Variants in IGFBPL1 observed in about 807,000 individuals in gnomAD.
IGFBPL1 encodes the protein insulin like growth factor binding protein like 1, also known as insulin-like growth factor-binding protein-like 1.
Under a neutral mutation model 23.9 loss-of-function variants are expected in IGFBPL1, and 20 were observed. That is an observed-to-expected ratio of 0.84 (90% CI 0.59 to 1.22). The LOEUF (loss-of-function observed/expected upper bound fraction) is 1.22. Among genes scored for constraint, IGFBPL1 ranks in the 50% most tolerant of loss-of-function variants. The pLI, the probability that IGFBPL1 is intolerant of heterozygous loss-of-function variation, is 0.00. For synonymous variants in IGFBPL1, 184 were observed against 171.8 expected (o/e 1.07, Z -0.56); for missense variants, 436 against 379.3 (o/e 1.15, Z -1.24).
At chr9:38,410,883 C>A (rs1404202053) in intron 4 of IGFBPL1, among the ~76,000 whole-genome samples, 2 of 152,138 alleles carry the variant, frequency 1.3e-5, no homozygotes, top group African/African-American at 4.8e-5. Context: ...TCTCTCTGCC[C>A]CTACCCACAA....
chr9:38,421,979 G>T (rs572548095), intron 1 of IGFBPL1, among the ~76,000 whole-genome samples: 2 of 152,352 alleles, frequency 1.3e-5, no homozygotes, highest in African/African-American at 4.8e-5. Context: ...TATTCCCTGG[G>T]TCTGTGCCTG....
intron 1 of IGFBPL1, among the ~76,000 whole-genome samples, chr9:38,422,278 G>C (rs1407515908): frequency 6.6e-6 from 1 of 152,210 alleles, no homozygotes; most frequent in African/African-American, 2.4e-5. Flanking sequence ...AGCAGATTTG[G>C]TCTGAATGTC....
At position 38,424,363 on chromosome 9, in the gene IGFBPL1, G is replaced by GGCGGCAGCA. The variant is rs750190888; in HGVS notation, c.53_61dup (p.Leu18_Pro20dup). The GGCGGCAGCA allele has an allele frequency of 7.9e-6, 6 of 756,972 alleles. No homozygotes were observed. The highest frequency in any genetic ancestry group is 2.6e-5 in the Admixed American group (1 of 38,154). The allele number at this position is 756,972 out of a possible 1,614,324, so 46.9% of individuals were successfully genotyped here. A position where few individuals can be genotyped will look rare whatever the true frequency, so the allele number is the denominator to read the frequency against. ...GCGGATCCCAAGGCTCGGGGACAGC[G>GGCGGCAGCA]GCGGCAGCAGCGGCAGCAGCAGCAG... On this transcript the variant is annotated inframe_insertion, in exon 1 of 5. Coordinates refer to ENST00000377694, the MANE Select transcript of IGFBPL1 (RefSeq NM_001007563.3).
chr9:38,420,065 A>AT (rs1032646193), intron 1 of IGFBPL1, among the ~76,000 whole-genome samples: 16 of 151,974 alleles, frequency 1.1e-4, no homozygotes, highest in African/African-American at 3.4e-4. Context: ...AGTTTTTAGA[A>AT]TTTTTTGTAG....
intron 2 of IGFBPL1, 63 bp downstream of exon 2, chr9:38,414,031 T>TCTCA (rs1821555357): frequency 2.6e-6 from 2 of 762,488 alleles, no homozygotes; most frequent in Non-Finnish European, 2.0e-6. Context: ...TCTCCCTCTT[T>TCTCA]CTCACACACA....
chr9:38,411,240 G>A (rs1396248568), intron 4 of IGFBPL1, among the ~76,000 whole-genome samples, 151 bp downstream of exon 4: 2 of 151,874 alleles, frequency 1.3e-5, no homozygotes, highest in Non-Finnish European at 2.9e-5. Flanking sequence ...GGATTCTACT[G>A]CTCATCTAAG....
At chr9:38,415,854 G>T (rs1821593653) in intron 1 of IGFBPL1, among the ~76,000 whole-genome samples, 1 of 152,066 alleles carries the variant, frequency 6.6e-6, no homozygotes, top group Non-Finnish European at 1.5e-5. Context: ...AATACAGACT[G>T]CCCTCCCCAT....
Position 38,413,323 on chromosome 9 carries a change from G to A in IGFBPL1, c.601C>T (p.Leu201=). 6.2e-7 allele frequency: 1 copy of A among 1,613,820 alleles called. No homozygotes were observed. The highest frequency in any genetic ancestry group is 1.1e-5 in the South Asian group (1 of 90,996). The change falls in exon 3 of 5, where the codon CTG becomes TTG. Residue 201 remains leucine, a synonymous_variant. Transcript: ENST00000377694. ...ACATGGTCCCCAGGCAGCTCCTCCA[G>A]TGCTTGGGTGCCCTCAGGGGACTTC... is the stretch of plus-strand genomic sequence containing the variant. ...VTKSPEGTQA[L]EELPGDHVNI...
rs1350567933 is a variant in IGFBPL1, at chr9:38,413,261, G to T, written c.663C>A (p.Asp221Glu). The change falls in exon 3 of 5, where the codon GAC becomes GAA. Residue 221 changes from aspartate to glutamate, a missense_variant. Physicochemically the swap from Asp to Glu is conservative, Grantham distance 45 (BLOSUM62 2). Transcript: ENST00000377694. ...CCAAAATCCAGGCCGTGGCCTCATG[G>T]TCAGAAGGGCCCCCTCGCACTTGGA... ...IAVQVRGGPS[D>E]HEATAWILIN... is the part of the protein sequence containing the mutation. 2 of 1,613,378 alleles carry T rather than the reference G, an allele frequency of 1.2e-6. No individual in the cohort carries two copies. Among genetic ancestry groups the T allele is most frequent in the Non-Finnish European group, 1.7e-6 (2 of 1,179,402 alleles).
chr9:38,423,108 A>G (rs1192650086), intron 1 of IGFBPL1, among the ~76,000 whole-genome samples: 1 of 152,192 alleles, frequency 6.6e-6, no homozygotes, highest in Non-Finnish European at 1.5e-5. Context: ...TGGGTGGAAT[A>G]CACTCATGCT....
At chr9:38,409,591 A>C (rs144233509) in intron 4 of IGFBPL1, among the ~76,000 whole-genome samples, 1 of 152,222 alleles carries the variant, frequency 6.6e-6, no homozygotes, top group Non-Finnish European at 1.5e-5. Flanking sequence ...ACAATTTTTC[A>C]TGGTATCCTT....
chr9:38,423,990 CT>C lies in IGFBPL1; in HGVS notation c.434del (p.Lys145ArgfsTer34), dbSNP rs1454088034. ...CGAACTCGCAAGGGCCGTCGCGCGCCTTGTGCAGGTGACCGGGGTGCGCGCG... is the reference window on the plus strand; with the variant it reads ...CGAACTCGCAAGGGCCGTCGCGCGCCTGTGCAGGTGACCGGGGTGCGCGCG... Reference protein sequence around the residue: ...TPRAHPGHLHKARDGPCEFAP... With the variant: ...TPRAHPGHLHXARDGPCEFAP... On this transcript the variant is annotated frameshift_variant, in exon 1 of 5. Coordinates refer to ENST00000377694, the MANE Select transcript of IGFBPL1 (RefSeq NM_001007563.3). LOFTEE classifies it high-confidence loss of function. 1.4e-6 allele frequency: 2 copies of C among 1,409,978 alleles called. No homozygotes were observed. Among genetic ancestry groups the C allele is most frequent in the South Asian group, 1.5e-5 (1 of 65,234 alleles). 87.3% of individuals were successfully genotyped at this position (1,409,978 alleles called of 1,614,324 possible). A position where few individuals can be genotyped will look rare whatever the true frequency, so the allele number is the denominator to read the frequency against.
intron 1 of IGFBPL1, among the ~76,000 whole-genome samples, chr9:38,416,576 G>T (rs1821601700): frequency 6.6e-6 from 1 of 152,084 alleles, no homozygotes; most frequent in Admixed American, 6.6e-5. Flanking sequence ...TTTGACAAAT[G>T]GATACAGTCA....
intron 1 of IGFBPL1, among the ~76,000 whole-genome samples, chr9:38,414,650 G>A (rs1468186663): frequency 1.3e-5 from 2 of 152,176 alleles, no homozygotes; most frequent in Non-Finnish European, 2.9e-5. Context: ...GTGTTAGGAA[G>A]AAGAATGCCA....
chr9:38,417,510 C>T lies in IGFBPL1; in HGVS notation c.461-3307G>A, dbSNP rs1222165271. On this transcript the variant is annotated intron_variant, in intron 1 of 4. Coordinates refer to ENST00000377694, the MANE Select transcript of IGFBPL1 (RefSeq NM_001007563.3). ...GAACATTTGTTATCTGTGTGGTCTCCGATCCAGAATAAGAGATGAGTTGCT... is the reference window on the plus strand; with the variant it reads ...GAACATTTGTTATCTGTGTGGTCTCTGATCCAGAATAAGAGATGAGTTGCT... Among the ~76,000 whole-genome samples, 33 of 152,178 alleles carry T rather than the reference C, an allele frequency of 2.2e-4. 1 individual carries two copies. The highest frequency in any genetic ancestry group is 2.0e-3 in the Admixed American group (31 of 15,268).
At chr9:38,410,856 A>T (rs149414382) in intron 4 of IGFBPL1, among the ~76,000 whole-genome samples, 64 of 152,342 alleles carry the variant, frequency 4.2e-4, no homozygotes, top group Middle Eastern at 3.4e-3. Context: ...GGCCTTGACC[A>T]GAGGGGATGC....
intron 1 of IGFBPL1, among the ~76,000 whole-genome samples, chr9:38,419,796 C>T (rs1218733119): frequency 1.3e-5 from 2 of 152,242 alleles, no homozygotes; most frequent in South Asian, 2.1e-4. Flanking sequence ...GTATCGAAGA[C>T]CCACGTATGA....
intron 1 of IGFBPL1, among the ~76,000 whole-genome samples, chr9:38,415,898 A>G (rs6476704): frequency 0.074 from 11,255 of 151,818 alleles, 1,401 homozygotes; most frequent in African/African-American, 0.26. Context: ...TATCTGATCC[A>G]CCCACTCATT....
intron 1 of IGFBPL1, among the ~76,000 whole-genome samples, chr9:38,420,455 G>T (rs1240627821): frequency 6.6e-6 from 1 of 152,236 alleles, no homozygotes; most frequent in Non-Finnish European, 1.5e-5. Context: ...CCCAGATTGA[G>T]AAACCCCCAA....
Sources: allele counts gnomAD v4.1 joint callset (sites outside exome capture counted in the v4.1 genomes callset), GRCh38; gene constraint gnomAD v4.1.1; transcripts MANE v1.5; gene names NCBI Gene and HGNC (gene_info 2026-07-23, HGNC 2026-07-21).